Variants in DNM3 observed in about 807,000 individuals in gnomAD.
DNM3 encodes dynamin-3.
In DNM3, 47 loss-of-function variants were observed where a neutral mutation model predicts 101.6. That is an observed-to-expected ratio of 0.46 (90% CI 0.37 to 0.59). DNM3 has a LOEUF of 0.59. Among genes scored for constraint, DNM3 ranks in the 20% least tolerant of loss-of-function variants. The probability of loss-of-function intolerance (pLI) is 0.00; values close to 1 mark genes in which losing one functional copy is unlikely to be tolerated. For missense variants in DNM3, 849 were observed against 1,085.7 expected, an observed-to-expected ratio of 0.78 and a Z score of 3.06; for synonymous variants, 385 against 387.9, an observed-to-expected ratio of 0.99 and a Z score of 0.09.
At chr1:171,945,741 T>C (rs2042133626) in intron 2 of DNM3, among the ~76,000 whole-genome samples, 2 of 152,064 alleles carry the variant, frequency 1.3e-5, no homozygotes, top group African/African-American at 4.8e-5. Context: ...GAGGCTAAGA[T>C]TGGGAATAAT....
At chr1:172,225,188 G>A (rs895374582) in intron 14 of DNM3, among the ~76,000 whole-genome samples, 1 of 139,602 alleles carries the variant, frequency 7.2e-6, no homozygotes, top group Non-Finnish European at 1.5e-5. Context: ...CGCCAGGCTG[G>A]AGTGCAGTGG....
chr1:172,309,638 T>G (rs2064996202), intron 16 of DNM3: 1 of 152,208 alleles, frequency 6.6e-6, no homozygotes, highest in Non-Finnish European at 1.5e-5. Flanking sequence ...TTAGTTCAGC[T>G]TAACTCCTGA....
chr1:171,865,908 A>G (rs78020395), intron 1 of DNM3, among the ~76,000 whole-genome samples: 2,132 of 152,288 alleles, frequency 0.014, 57 homozygotes, highest in African/African-American at 0.047. Context: ...TGAGATTTCA[A>G]TGTAAATACT....
rs181889335 is a variant in DNM3 at position 172,153,436 on chromosome 1, A to G, written c.1659+22148A>G. Among the ~76,000 whole-genome samples, 111 of 152,300 alleles carry G rather than the reference A, an allele frequency of 7.3e-4. 1 individual carries two copies. The highest frequency in any genetic ancestry group is 5.1e-4 in the Non-Finnish European group (35 of 68,026). On this transcript the variant is annotated intron_variant, in intron 14 of 20. Coordinates refer to ENST00000627582, the MANE Select transcript of DNM3 (RefSeq NM_015569.5). ...TAAACTAGTTATTTTATCAAAAGGC[A>G]GTGATATGTGTTAATTTCCCATACT...
At chr1:172,120,375 C>A (rs2056230791) in intron 13 of DNM3, among the ~76,000 whole-genome samples, 1 of 152,098 alleles carries the variant, frequency 6.6e-6, no homozygotes, top group Non-Finnish European at 1.5e-5. Flanking sequence ...CTGAGTCTCT[C>A]CCATGACATG....
chr1:171,898,676 AAG>A (rs2038023103), intron 1 of DNM3, among the ~76,000 whole-genome samples: 2 of 124,372 alleles, frequency 1.6e-5, no homozygotes. Context: ...TATGATTTAA[AAG>A]TGTGTGTGTA....
intron 1 of DNM3, among the ~76,000 whole-genome samples, chr1:171,847,595 A>T (rs1435099986): frequency 6.6e-6 from 1 of 152,212 alleles, no homozygotes; most frequent in Non-Finnish European, 1.5e-5. Flanking sequence ...AGGTTAATTG[A>T]GAGTGGGATG....
At chr1:171,854,247 C>A (rs538530260) in intron 1 of DNM3, among the ~76,000 whole-genome samples, 1 of 152,120 alleles carries the variant, frequency 6.6e-6, no homozygotes, top group African/African-American at 2.4e-5. Context: ...GTTCTGTGAT[C>A]GAAGGCAATC....
chr1:172,211,734 C>T (rs2060522532), intron 14 of DNM3, among the ~76,000 whole-genome samples: 1 of 152,102 alleles, frequency 6.6e-6, no homozygotes, highest in Non-Finnish European at 1.5e-5. Flanking sequence ...TGTTTGAAGA[C>T]TACACATACA....
chr1:172,341,619 A>AAC (rs2066689934), intron 17 of DNM3, among the ~76,000 whole-genome samples: 1 of 152,156 alleles, frequency 6.6e-6, no homozygotes, highest in Admixed American at 6.6e-5. Context: ...AAAGCTGATA[A>AAC]AAGCATTGGG....
chr1:172,228,157 T>C (rs10911335), intron 14 of DNM3, among the ~76,000 whole-genome samples: 25,228 of 151,962 alleles, frequency 0.17, 2,449 homozygotes, highest in East Asian at 0.28. Flanking sequence ...AAGAAGTGTG[T>C]CATTGCTATG....
chr1:172,103,450 T>G, intron 13 of DNM3, among the ~76,000 whole-genome samples: 1 of 152,188 alleles, frequency 6.6e-6, no homozygotes, highest in East Asian at 1.9e-4. Flanking sequence ...TTCGCAGACA[T>G]AAAATGACAA....
At chr1:172,018,935 A>G (rs1430147305) in intron 4 of DNM3, among the ~76,000 whole-genome samples, 1 of 151,846 alleles carries the variant, frequency 6.6e-6, no homozygotes, top group African/African-American at 2.4e-5. Flanking sequence ...TATTTGAGAA[A>G]GTCTATTACT....
intron 1 of DNM3, among the ~76,000 whole-genome samples, chr1:171,866,314 G>T (rs79600738): frequency 0.09 from 13,648 of 151,936 alleles, 787 homozygotes; most frequent in South Asian, 0.23. Flanking sequence ...TAATGATCTG[G>T]CTACCAACTA....
At chr1:172,033,456 C>A (rs2048756541) in intron 6 of DNM3, among the ~76,000 whole-genome samples, 191 bp downstream of exon 6, 1 of 152,032 alleles carries the variant, frequency 6.6e-6, no homozygotes, top group African/African-American at 2.4e-5. Context: ...TAGAACTCAC[C>A]TTCCTATTAT....
At chr1:171,913,143 A>G (rs1279911533) in intron 1 of DNM3, among the ~76,000 whole-genome samples, 1 of 152,228 alleles carries the variant, frequency 6.6e-6, no homozygotes, top group African/African-American at 2.4e-5. Context: ...TGACTCAGAA[A>G]CTTTTGCATT....
At chr1:172,087,124 A>G (rs1237846445) in intron 12 of DNM3, among the ~76,000 whole-genome samples, 1 of 152,108 alleles carries the variant, frequency 6.6e-6, no homozygotes, top group Admixed American at 6.5e-5. Context: ...CCAATGGACA[A>G]TTCTGAGCCT....
chr1:172,151,584 G>C (rs1173509362), intron 14 of DNM3, among the ~76,000 whole-genome samples: 1 of 152,144 alleles, frequency 6.6e-6, no homozygotes, highest in African/African-American at 2.4e-5. Context: ...TGGCCAGAAT[G>C]GATTATGATT....
At chr1:172,013,971 G>A (rs1471695987) in intron 4 of DNM3, among the ~76,000 whole-genome samples, 1 of 152,042 alleles carries the variant, frequency 6.6e-6, no homozygotes, top group Non-Finnish European at 1.5e-5. Flanking sequence ...CAAGTACAGA[G>A]AGTTCCCATA....
Sources: allele counts gnomAD v4.1 joint callset (sites outside exome capture counted in the v4.1 genomes callset), GRCh38; gene constraint gnomAD v4.1.1; transcripts MANE v1.5; gene names NCBI Gene and HGNC (gene_info 2026-07-23, HGNC 2026-07-21).